CDH13: variants seen among roughly 807,000 people sequenced by gnomAD.
The protein encoded by CDH13 is cadherin-13.
A neutral mutation model predicts 63.8 loss-of-function variants in CDH13; 24 were observed. That is an observed-to-expected ratio of 0.38 (90% CI 0.27 to 0.53). The LOEUF is 0.53. Among genes scored for constraint, CDH13 ranks in the 20% least tolerant of loss-of-function variants. CDH13 has a pLI of 0.85. For missense variants in CDH13, 1,049 were observed against 903.1 expected, an observed-to-expected ratio of 1.16 and a Z score of -2.07; for synonymous variants, 503 against 355.3, an observed-to-expected ratio of 1.42 and a Z score of -4.67.
intron 5 of CDH13, among the ~76,000 whole-genome samples, chr16:83,224,730 G>A (rs1389026206): frequency 1.3e-5 from 2 of 152,186 alleles, no homozygotes; most frequent in Admixed American, 6.5e-5. Flanking sequence ...GACACCTTTA[G>A]CCAGTTACTT....
chr16:83,505,138 G>A (rs1399213989), intron 7 of CDH13, among the ~76,000 whole-genome samples: 2 of 152,138 alleles, frequency 1.3e-5, no homozygotes, highest in African/African-American at 2.4e-5. Flanking sequence ...TTCTAGATTT[G>A]GACTTGAATT....
intron 3 of CDH13, among the ~76,000 whole-genome samples, chr16:83,043,063 G>A (rs187801905): frequency 1.6e-4 from 24 of 152,268 alleles, no homozygotes; most frequent in South Asian, 1.0e-3. Flanking sequence ...ATTATTGTAC[G>A]GATCCAAGAA....
chr16:82,813,568 A>G (rs1302746441), intron 1 of CDH13, among the ~76,000 whole-genome samples: 5 of 152,126 alleles, frequency 3.3e-5, no homozygotes, highest in African/African-American at 1.2e-4. Context: ...AAAGGCTTCA[A>G]AAAGGTAGTG....
intron 6 of CDH13, among the ~76,000 whole-genome samples, chr16:83,450,933 G>T (rs1258876407): frequency 6.6e-6 from 1 of 152,160 alleles, no homozygotes; most frequent in Admixed American, 6.5e-5. Context: ...AGCCTTGTGT[G>T]TGCGTCGGCA....
At chr16:82,877,924 GACACACACACACACACAC>G (rs1213536997) in intron 2 of CDH13, among the ~76,000 whole-genome samples, 2 of 129,288 alleles carry the variant, frequency 1.5e-5, no homozygotes, top group Non-Finnish European at 1.6e-5. Flanking sequence ...CATACACATA[GACACACACACACACACAC>G]ACACACACAC....
At chr16:83,768,330 T>C (rs1914536723) in intron 11 of CDH13, among the ~76,000 whole-genome samples, 1 of 152,172 alleles carries the variant, frequency 6.6e-6, no homozygotes, top group Non-Finnish European at 1.5e-5. Flanking sequence ...AGGTTTTTCA[T>C]GAAATAAAAT....
chr16:83,169,464 A>G (rs1396231743), intron 4 of CDH13, among the ~76,000 whole-genome samples: 1 of 151,932 alleles, frequency 6.6e-6, no homozygotes. Context: ...GTGAGCCACC[A>G]CACCCGGCCA....
At chr16:83,687,687 T>A (rs191363262) in intron 10 of CDH13, among the ~76,000 whole-genome samples, 1 of 152,342 alleles carries the variant, frequency 6.6e-6, no homozygotes, top group Admixed American at 6.5e-5. Flanking sequence ...CATTTACATT[T>A]GGCCTTGTTT....
intron 4 of CDH13, among the ~76,000 whole-genome samples, chr16:83,152,605 A>T (rs1426448095): frequency 6.6e-6 from 1 of 152,160 alleles, no homozygotes; most frequent in Non-Finnish European, 1.5e-5. Context: ...TGGTCATCCA[A>T]TCTGGGACAG....
intron 6 of CDH13, among the ~76,000 whole-genome samples, chr16:83,442,909 A>G (rs1191569959): frequency 1.3e-5 from 2 of 152,226 alleles, no homozygotes; most frequent in African/African-American, 4.8e-5. Context: ...GAAAAATAAA[A>G]TTTCACCCTA....
intron 4 of CDH13, among the ~76,000 whole-genome samples, chr16:83,154,648 C>G (rs1433377581): frequency 1.3e-5 from 2 of 152,010 alleles, no homozygotes; most frequent in Non-Finnish European, 2.9e-5. Flanking sequence ...AGAATGTAGC[C>G]TAAGCTGACT....
intron 5 of CDH13, among the ~76,000 whole-genome samples, chr16:83,296,061 A>G (rs183202054): frequency 3.9e-5 from 6 of 152,342 alleles, no homozygotes; most frequent in East Asian, 3.9e-4. Flanking sequence ...AGAAACCTCT[A>G]TAAGCTCCTA....
At chr16:82,917,556 T>C (rs1016875965) in intron 2 of CDH13, among the ~76,000 whole-genome samples, 5 of 152,072 alleles carry the variant, frequency 3.3e-5, no homozygotes, top group Non-Finnish European at 7.4e-5. Flanking sequence ...GAGAATAAAA[T>C]GATACATTCA....
chr16:83,738,678 C>T (rs1056951984), intron 10 of CDH13, among the ~76,000 whole-genome samples: 4 of 152,170 alleles, frequency 2.6e-5, no homozygotes, highest in Admixed American at 6.5e-5. Flanking sequence ...GAGGCCAAGG[C>T]AGGTGGATCA....
chr16:83,252,133 T>C (rs369989929), intron 5 of CDH13, among the ~76,000 whole-genome samples: 4 of 22,028 alleles, frequency 1.8e-4, no homozygotes, highest in African/African-American at 3.2e-4. Context: ...CACACACATA[T>C]ATATGTATAT....
chr16:82,762,789 A>G (rs540632032), intron 1 of CDH13, among the ~76,000 whole-genome samples: 21 of 152,334 alleles, frequency 1.4e-4, no homozygotes, highest in African/African-American at 4.1e-4. Context: ...CTGTCTTTGC[A>G]TGTGTTTGGA....
Position 83,741,142 on chromosome 16 carries a change from C to T in CDH13, c.1539-6966C>T, listed in dbSNP as rs147711721. 4.7e-3 allele frequency among the ~76,000 whole-genome samples: 709 copies of T among 152,260 alleles called. 5 individuals are homozygous for T. The highest frequency in any genetic ancestry group is 0.017 in the African/African-American group (686 of 41,552). ...ATCTAGGATTCTGGAATTCACTAGC[C>T]ATTCAATTTTATCCATACATTTTGT... On this transcript the variant is annotated intron_variant, in intron 10 of 13. Transcript: ENST00000567109.
chr16:83,413,031 C>T (rs571445351), intron 6 of CDH13, among the ~76,000 whole-genome samples: 21 of 152,214 alleles, frequency 1.4e-4, no homozygotes, highest in Non-Finnish European at 2.8e-4. Context: ...CATTTTATTC[C>T]ACTGTGCACG....
At chr16:83,631,193 G>T (rs755501388) in intron 8 of CDH13, among the ~76,000 whole-genome samples, 2 of 152,194 alleles carry the variant, frequency 1.3e-5, no homozygotes, top group African/African-American at 2.4e-5. Flanking sequence ...AAGCCCTCAG[G>T]TTATCTGGCA....
Sources: allele counts gnomAD v4.1 joint callset (sites outside exome capture counted in the v4.1 genomes callset), GRCh38; gene constraint gnomAD v4.1.1; transcripts MANE v1.5; gene names NCBI Gene and HGNC (gene_info 2026-07-23, HGNC 2026-07-21).